The following TRPC4 variants were observed in gnomAD, a reference collection of about 807,000 sequenced individuals.
TRPC4 encodes the protein short transient receptor potential channel 4.
TRPC4 carries 49 observed loss-of-function variants against 99.4 expected under a neutral mutation model. That is an observed-to-expected ratio of 0.49 (90% confidence interval 0.39 to 0.63). TRPC4 has a LOEUF of 0.63. Among genes scored for constraint, TRPC4 ranks in the 20% least tolerant of loss-of-function variants. The pLI is 0.00. For missense variants in TRPC4, 898 were observed against 1,152.9 expected, an observed-to-expected ratio of 0.78 and a Z score of 3.20; for synonymous variants, 454 against 425.9, an observed-to-expected ratio of 1.07 and a Z score of -0.81.
At chr13:37,834,026 A>G (rs1359734934) in intron 1 of TRPC4, among the ~76,000 whole-genome samples, 1 of 152,108 alleles carries the variant, frequency 6.6e-6, no homozygotes, top group Non-Finnish European at 1.5e-5. Context: ...TTGGAATACT[A>G]TTTATCTTCA....
chr13:37,801,003 C>A (rs1397636674), intron 1 of TRPC4, among the ~76,000 whole-genome samples: 1 of 151,856 alleles, frequency 6.6e-6, no homozygotes, highest in Non-Finnish European at 1.5e-5. Flanking sequence ...ATCACCTAGA[C>A]AATTGTAAGG....
At chr13:37,788,913 T>C (rs1274119529) in intron 1 of TRPC4, among the ~76,000 whole-genome samples, 2 of 152,138 alleles carry the variant, frequency 1.3e-5, no homozygotes, top group Non-Finnish European at 2.9e-5. Context: ...CATTTCTATG[T>C]CTTACTGGGA....
Position 37,639,294 on chromosome 13 carries a change from T to C in TRPC4, c.2085A>G (p.Arg695=). 1.2e-6 allele frequency: 2 copies of C among 1,613,618 alleles called. No individual in the cohort carries two copies. The part of the protein sequence containing the change: ...KPESFGTIGR[R]AADNLRRHHQ... Reference sequence around the variant, plus strand: ...GATGTCTTCTCAAGTTATCAGCAGCTCGCCTCTGAAAAGGAAAAGGACATT... The same window carrying C: ...GATGTCTTCTCAAGTTATCAGCAGCCCGCCTCTGAAAAGGAAAAGGACATT... The change falls in exon 9 of 11, where the codon CGA becomes CGG. Residue 695 remains arginine (R), a synonymous_variant. Transcript: ENST00000379705.
At chr13:37,710,458 T>C (rs1373853887) in intron 3 of TRPC4, among the ~76,000 whole-genome samples, 1 of 151,836 alleles carries the variant, frequency 6.6e-6, no homozygotes, top group African/African-American at 2.4e-5. Flanking sequence ...TTTAAGAGGG[T>C]GTTATTACCT....
intron 3 of TRPC4, among the ~76,000 whole-genome samples, chr13:37,741,705 G>A (rs1955594597): frequency 6.6e-6 from 1 of 152,064 alleles, no homozygotes; most frequent in African/African-American, 2.4e-5. Context: ...TTCATTACGG[G>A]CGAGCTGAGT....
chr13:37,648,143 G>A (rs1951907036), intron 8 of TRPC4, among the ~76,000 whole-genome samples: 2 of 152,008 alleles, frequency 1.3e-5, no homozygotes, highest in Admixed American at 1.3e-4. Context: ...GGGTTTCACC[G>A]TGTTGGCCAG....
chr13:37,720,424 A>G (rs1290561903), intron 3 of TRPC4, among the ~76,000 whole-genome samples: 1 of 152,132 alleles, frequency 6.6e-6, no homozygotes, highest in African/African-American at 2.4e-5. Flanking sequence ...TGTTTTGGAC[A>G]TGAGAAACCG....
chr13:37,672,977 G>C (rs1001628377), intron 5 of TRPC4, among the ~76,000 whole-genome samples: 12 of 151,836 alleles, frequency 7.9e-5, no homozygotes, highest in Non-Finnish European at 1.5e-4. Context: ...TTAAGTTCTA[G>C]GGTACATGTG....
intron 1 of TRPC4, among the ~76,000 whole-genome samples, chr13:37,848,899 G>A (rs1399863657): frequency 6.6e-6 from 1 of 152,194 alleles, no homozygotes; most frequent in Non-Finnish European, 1.5e-5. Context: ...TTTTGGGGCT[G>A]AGTTTAAGAG....
At chr13:37,838,079 C>T (rs1354477069) in intron 1 of TRPC4, among the ~76,000 whole-genome samples, 2 of 152,134 alleles carry the variant, frequency 1.3e-5, no homozygotes, top group African/African-American at 4.8e-5. Context: ...GCTTCCCCAG[C>T]CACATGGAAC....
chr13:37,833,307 G>T (rs1195771741), intron 1 of TRPC4, among the ~76,000 whole-genome samples: 1 of 151,766 alleles, frequency 6.6e-6, no homozygotes, highest in Non-Finnish European at 1.5e-5. Context: ...TGATTTATGA[G>T]CTCAGTTATA....
chr13:37,685,359 G>A (rs1174474989), intron 4 of TRPC4, among the ~76,000 whole-genome samples: 3 of 152,068 alleles, frequency 2.0e-5, no homozygotes, highest in Non-Finnish European at 2.9e-5. Context: ...AGTATCACTT[G>A]TTAGCTCCTT....
At chr13:37,668,964 G>T (rs1333561821) in intron 5 of TRPC4, among the ~76,000 whole-genome samples, 2 of 152,012 alleles carry the variant, frequency 1.3e-5, no homozygotes, top group Non-Finnish European at 2.9e-5. Flanking sequence ...ATAGCTTTCT[G>T]CCATAAAACT....
chr13:37,755,067 C>T (rs1004866492), intron 2 of TRPC4, among the ~76,000 whole-genome samples: 1 of 152,076 alleles, frequency 6.6e-6, no homozygotes, highest in Middle Eastern at 3.4e-3. Context: ...CATGTTTGAA[C>T]CATTATTAAT....
intron 1 of TRPC4, among the ~76,000 whole-genome samples, chr13:37,819,250 C>T (rs1593252519): frequency 6.6e-6 from 1 of 151,974 alleles, no homozygotes; most frequent in Non-Finnish European, 1.5e-5. Context: ...TTAGTTCATG[C>T]ATTGTGGAAA....
intron 1 of TRPC4, among the ~76,000 whole-genome samples, chr13:37,840,653 A>C (rs1457397797): frequency 3.9e-5 from 6 of 151,978 alleles, no homozygotes; most frequent in Admixed American, 3.3e-4. Flanking sequence ...TATTATTTAA[A>C]AAGATTAATA....
At chr13:37,706,634 C>T (rs1208908585) in intron 3 of TRPC4, among the ~76,000 whole-genome samples, 10 of 151,394 alleles carry the variant, frequency 6.6e-5, no homozygotes. Context: ...CCCCCTACCC[C>T]CACCCCACAA....
chr13:37,860,207 C>A (rs1024580482), intron 1 of TRPC4, among the ~76,000 whole-genome samples: 5 of 151,278 alleles, frequency 3.3e-5, no homozygotes, highest in Non-Finnish European at 7.4e-5. Context: ...CAATGATTAA[C>A]AACATCAGTA....
chr13:37,782,109 C>G (rs1354424097), intron 2 of TRPC4, among the ~76,000 whole-genome samples: 6 of 151,980 alleles, frequency 3.9e-5, no homozygotes, highest in African/African-American at 1.4e-4. Flanking sequence ...AGCCTTGATG[C>G]AAGGAAGTGA....
Sources: allele counts gnomAD v4.1 joint callset (sites outside exome capture counted in the v4.1 genomes callset), GRCh38; gene constraint gnomAD v4.1.1; transcripts MANE v1.5; gene names NCBI Gene and HGNC (gene_info 2026-07-23, HGNC 2026-07-21).